Variants in NUBP2 observed in about 807,000 individuals in gnomAD.
The protein encoded by NUBP2 is NUBP iron-sulfur cluster assembly factor 2, cytosolic.
In NUBP2, 23 loss-of-function variants were observed where a neutral mutation model predicts 24.9. The observed-to-expected ratio is 0.92, with a 90% confidence interval of 0.66 to 1.31. The LOEUF (loss-of-function observed/expected upper bound fraction) is 1.31. NUBP2 is among the 50% of genes most tolerant of loss of function. The probability of loss-of-function intolerance (pLI) is 0.00; values close to 1 mark genes in which losing one functional copy is unlikely to be tolerated. For missense variants in NUBP2, 403 were observed against 386.5 expected (o/e 1.04, Z -0.36); for synonymous variants, 186 against 170.9 (o/e 1.09, Z -0.69).
In NUBP2 at chr16:1,788,899, G is replaced by T. The variant is rs1897128621; in HGVS notation, c.*185G>T. 2.6e-6 allele frequency: 2 copies of T among 757,370 alleles called. No homozygotes were observed. Among genetic ancestry groups the T allele is most frequent in the Admixed American group, 3.1e-5 (1 of 32,446 alleles). The allele number at this position is 757,370 out of a possible 1,614,324, so 46.9% of individuals were successfully genotyped here. A position where few individuals can be genotyped will look rare whatever the true frequency, so the allele number is the denominator to read the frequency against. ...TCGCACCAGCAGCTCTGCCTGGTTG[G>T]CCTGCAGTGCCGTGGTCTGCGTGCT... On this transcript the variant is annotated 3_prime_UTR_variant, in exon 7 of 7. Coordinates refer to ENST00000262302, the MANE Select transcript of NUBP2 (RefSeq NM_012225.4).
intron 1 of NUBP2, 58 bp from the exon 2 acceptor site, chr16:1,786,479 G>C (rs778887165): frequency 2.8e-6 from 4 of 1,436,304 alleles, no homozygotes; most frequent in Non-Finnish European, 3.8e-6. Context: ...GTGACCCCGC[G>C]TGTGTGGGCA....
In NUBP2 at chr16:1,786,595, C is replaced by T. The variant is rs779241472; in HGVS notation, c.75C>T (p.Gly25=). The T allele has an allele frequency of 1.9e-5, 31 of 1,612,126 alleles. No homozygotes were observed. In the Admixed American group the frequency reaches 3.7e-4, roughly 19 times the overall value. ...HIILVLSGKG[G]VGKSTISTEL... ...TCCTGGTCCTCTCAGGAAAGGGGGG[C>T]GTTGGGAAAAGCACCATCTCCACGG... is the stretch of plus-strand genomic sequence containing the variant. Residue 25 remains glycine (G), a synonymous_variant, in exon 2 of 7, where the codon GGC becomes GGT. Transcript: ENST00000262302.
chr16:1,784,159 T>C, intron 1 of NUBP2: 1 of 469,338 alleles, frequency 2.1e-6, no homozygotes, highest in Non-Finnish European at 2.8e-6. Context: ...GGCACGATCA[T>C]AACTCACTGC....
Position 1,787,710 on chromosome 16 carries a change from G to T in NUBP2, c.368G>T (p.Trp123Leu), listed in dbSNP as rs748098280. The stretch of plus-strand genomic sequence containing the variant: ...AAGCAGTTTGTGTCCGACGTGGCCT[G>T]GGGGGAGCTGGACTACCTGGTGGTG... ...LIKQFVSDVA[W>L]GELDYLVVDT... Residue 123 changes from tryptophan (W) to leucine (L), a missense_variant, in exon 4 of 7, where the codon TGG (tryptophan) becomes TTG (leucine). Transcript: ENST00000262302. 2.5e-6 allele frequency: 4 copies of T among 1,612,478 alleles called. No individual in the cohort carries two copies. The highest frequency in any genetic ancestry group is 1.7e-4 in the Middle Eastern group (1 of 6,060).
At chr16:1,786,462 G>A (rs1042855760) in intron 1 of NUBP2, 75 bp from the exon 2 acceptor site, 4 of 1,278,286 alleles carry the variant, frequency 3.1e-6, no homozygotes, top group Non-Finnish European at 4.4e-6. Context: ...GGTGCAAGAG[G>A]CAGTGGGTGA....
At chr16:1,783,491 C>CA (rs377311070) in intron 1 of NUBP2, 1 of 990,004 alleles carries the variant, frequency 1.0e-6, no homozygotes, top group East Asian at 1.1e-4. Flanking sequence ...GTGGCGCTCT[C>CA]AGTGTTCAGA....
At chr16:1,787,544 T>C (rs1897035180) in intron 3 of NUBP2, 133 bp from the exon 4 acceptor site, 1 of 1,200,796 alleles carries the variant, frequency 8.3e-7, no homozygotes, top group South Asian at 1.4e-5. Flanking sequence ...CGAGAGCCTG[T>C]GATGGAGGCT....
chr16:1,786,790 A>C lies in NUBP2; in HGVS notation c.169A>C (p.Ser57Arg). 2 of 1,611,072 alleles carry C rather than the reference A, an allele frequency of 1.2e-6. No homozygotes were observed. The highest frequency in any genetic ancestry group is 1.7e-6 in the Non-Finnish European group (2 of 1,178,814). The change falls in exon 3 of 7, where the codon AGT becomes CGT. Residue 57 changes from serine to arginine, a missense_variant. Physicochemically the swap from Ser to Arg is moderately radical, Grantham distance 110 (BLOSUM62 -1). Transcript: ENST00000262302. ...GILDVDLCGP[S>R]IPRMLGAQGR... ...CCTGGATGTGGACCTGTGTGGCCCC[A>C]GTATCCCCCGCATGCTCGGGGCGCA...
intron 5 of NUBP2, 28 bp downstream of exon 5, chr16:1,788,079 G>C: frequency 6.4e-7 from 1 of 1,565,588 alleles, no homozygotes; most frequent in Non-Finnish European, 8.6e-7. Context: ...CAGAGGGGGC[G>C]AGGCAGCACC....
At chr16:1,788,346 C>G in intron 6 of NUBP2, 139 bp downstream of exon 6, 1 of 1,085,762 alleles carries the variant, frequency 9.2e-7, no homozygotes, top group South Asian at 1.7e-5. Flanking sequence ...GGGCCACACG[C>G]CATGCCGCTG....
intron 1 of NUBP2, chr16:1,783,443 A>C (rs1318056726): frequency 2.4e-5 from 24 of 1,007,292 alleles, no homozygotes; most frequent in Non-Finnish European, 2.2e-5. Flanking sequence ...AGTAAGACGG[A>C]CGCCAGAATC....
intron 3 of NUBP2, chr16:1,787,404 G>T: frequency 1.8e-6 from 1 of 549,934 alleles, no homozygotes; most frequent in Middle Eastern, 4.8e-4. Context: ...GAGGGTCCTG[G>T]CTCCGTGTTC....
Position 1,788,915 on chromosome 16 carries a change from T to G in NUBP2, c.*201T>G, listed in dbSNP as rs541105588. 1.6e-6 allele frequency: 1 copy of G among 629,426 alleles called. No homozygotes were observed. The allele number at this position is 629,426 out of a possible 1,614,324, so 39.0% of individuals were successfully genotyped here. A position where few individuals can be genotyped will look rare whatever the true frequency, so the allele number is the denominator to read the frequency against. On this transcript the variant is annotated 3_prime_UTR_variant, in exon 7 of 7. Transcript: ENST00000262302. Reference sequence around the variant, plus strand: ...GCCTGGTTGGCCTGCAGTGCCGTGGTCTGCGTGCTCTGCAGCTGTGAGACG... The same window carrying G: ...GCCTGGTTGGCCTGCAGTGCCGTGGGCTGCGTGCTCTGCAGCTGTGAGACG...
In NUBP2 at chr16:1,789,168, C is replaced by T. The variant is rs1897141627; in HGVS notation, c.*454C>T. The T allele has an allele frequency of 6.4e-6, 1 of 155,716 alleles. No homozygotes were observed. The highest frequency in any genetic ancestry group is 1.4e-5 in the Non-Finnish European group (1 of 70,514). The allele number at this position is 155,716 out of a possible 1,614,324, so 9.6% of individuals were successfully genotyped here. A position where few individuals can be genotyped will look rare whatever the true frequency, so the allele number is the denominator to read the frequency against. ...TAGAGGCGCCTGCCATTAAACGTGT[C>T]CGCTGCTGTGGCGACAGATCTGATG... On this transcript the variant is annotated 3_prime_UTR_variant, in exon 7 of 7. Coordinates refer to ENST00000262302, the MANE Select transcript of NUBP2 (RefSeq NM_012225.4).
chr16:1,788,960 T>TC lies in NUBP2; in HGVS notation c.*249dup, dbSNP rs1897132452. On this transcript the variant is annotated 3_prime_UTR_variant, in exon 7 of 7. Coordinates refer to ENST00000262302, the MANE Select transcript of NUBP2 (RefSeq NM_012225.4). ...GAGACGGGGGCGGCCTGGGCTCTCT[T>TC]CCCATCCATGTTGCCTACCTGTGCC... The TC allele has an allele frequency of 2.0e-6, 1 of 500,938 alleles. No homozygotes were observed. The highest frequency in any genetic ancestry group is 3.1e-5 in the South Asian group (1 of 31,946). 31.0% of individuals were successfully genotyped at this position (500,938 alleles called of 1,614,324 possible). A position where few individuals can be genotyped will look rare whatever the true frequency, so the allele number is the denominator to read the frequency against.
At chr16:1,784,414 G>C (rs1896865277) in intron 1 of NUBP2, 1 of 150,570 alleles carries the variant, frequency 6.6e-6, no homozygotes, top group African/African-American at 2.4e-5. Flanking sequence ...TTTGTTGGGG[G>C]GAGACGGAGA....
At position 1,788,746 on chromosome 16, in the gene NUBP2, C is replaced by T; in HGVS notation, c.*32C>T. ...CCACCTTGCAGCCGCTTTCCAGGGC[C>T]ACCAAGGGCTCTGCTCCAGCCTCTC... On this transcript the variant is annotated 3_prime_UTR_variant, in exon 7 of 7. Coordinates refer to ENST00000262302, the MANE Select transcript of NUBP2 (RefSeq NM_012225.4). The T allele has an allele frequency of 6.3e-7, 1 of 1,594,340 alleles. No homozygotes were observed. The highest frequency in any genetic ancestry group is 8.6e-7 in the Non-Finnish European group (1 of 1,169,476).
Position 1,787,711 on chromosome 16 carries a change from G to C in NUBP2, c.369G>C (p.Trp123Cys), listed in dbSNP as rs1355307034. Residue 123 changes from tryptophan (W) to cysteine (C), a missense_variant, in exon 4 of 7, where the codon TGG (tryptophan) becomes TGC (cysteine). Physicochemically the swap from Trp to Cys is radical, Grantham distance 215. Coordinates refer to ENST00000262302, the MANE Select transcript of NUBP2 (RefSeq NM_012225.4). ...AGCAGTTTGTGTCCGACGTGGCCTG[G>C]GGGGAGCTGGACTACCTGGTGGTGG... Reference protein sequence around the residue: ...LIKQFVSDVAWGELDYLVVDT... With the variant: ...LIKQFVSDVACGELDYLVVDT... The C allele has an allele frequency of 1.1e-5, 17 of 1,612,536 alleles. No individual in the cohort carries two copies. The highest frequency in any genetic ancestry group is 1.4e-5 in the Non-Finnish European group (16 of 1,179,924).
At chr16:1,785,950 G>A (rs1443359146) in intron 1 of NUBP2, 1 of 1,249,810 alleles carries the variant, frequency 8.0e-7, no homozygotes, top group Non-Finnish European at 1.0e-6. Context: ...AGCAGCCCCT[G>A]CCGTGTGGCA....
Sources: allele counts gnomAD v4.1 joint callset, GRCh38; gene constraint gnomAD v4.1.1; transcripts MANE v1.5; gene names NCBI Gene and HGNC (gene_info 2026-07-23, HGNC 2026-07-21).